The following STYK1 variants were observed in gnomAD, a reference collection of about 807,000 sequenced individuals.
The protein encoded by STYK1 is STY kinase 1.
In STYK1, 46 loss-of-function variants were observed where a neutral mutation model predicts 48.1. That is an observed-to-expected ratio of 0.96 (90% CI 0.75 to 1.22). The LOEUF (loss-of-function observed/expected upper bound fraction) is 1.22. Among genes scored for constraint, STYK1 ranks in the 50% most tolerant of loss-of-function variants. The probability of loss-of-function intolerance (pLI) is 0.00; values close to 1 mark genes in which losing one functional copy is unlikely to be tolerated. For missense variants in STYK1, 527 were observed against 521.1 expected, an observed-to-expected ratio of 1.01 and a Z score of -0.11; for synonymous variants, 188 against 189.0, an observed-to-expected ratio of 0.99 and a Z score of 0.04.
chr12:10,673,261 C>T (rs1001339854), intron 1 of STYK1, among the ~76,000 whole-genome samples: 14 of 152,016 alleles, frequency 9.2e-5, no homozygotes, highest in African/African-American at 3.1e-4. Context: ...CCTGTAATCC[C>T]AGCTACTTGG....
intron 1 of STYK1, among the ~76,000 whole-genome samples, chr12:10,669,487 T>C (rs191640365): frequency 2.0e-5 from 3 of 152,200 alleles, no homozygotes; most frequent in Admixed American, 6.5e-5. Context: ...CAACTCAAAA[T>C]GGATTAAAGA....
Position 10,672,324 on chromosome 12 carries a change from A to G in STYK1, c.-195+1642T>C, listed in dbSNP as rs183787140. 2.7e-3 allele frequency among the ~76,000 whole-genome samples: 408 copies of G among 152,056 alleles called. 7 individuals are homozygous for G. Among genetic ancestry groups the G allele is most frequent in the Admixed American group, 0.023 (354 of 15,266 alleles). On this transcript the variant is annotated intron_variant, in intron 1 of 10. Coordinates refer to ENST00000075503, the MANE Select transcript of STYK1 (RefSeq NM_018423.3). The surrounding 1 kb of genome is among the most constrained non-coding windows in gnomAD (Gnocchi z 4.0). The stretch of plus-strand genomic sequence containing the variant: ...CAAAGCTTCATCTGCATTTACAGCC[A>G]CTCCCCATCGCTGTCATTGCCTCCT...
At chr12:10,659,670 GT>G (rs925439397) in intron 1 of STYK1, among the ~76,000 whole-genome samples, 16 of 152,222 alleles carry the variant, frequency 1.1e-4, no homozygotes, top group African/African-American at 3.6e-4. Context: ...AGCTCAAGGA[GT>G]TTTTTAAAAG....
At chr12:10,649,807 G>A (rs182477892) in intron 1 of STYK1, among the ~76,000 whole-genome samples, 14 of 152,210 alleles carry the variant, frequency 9.2e-5, no homozygotes, top group African/African-American at 3.1e-4. Flanking sequence ...AAGTACAACC[G>A]TTAAATCAAG....
At chr12:10,631,453 C>G in intron 4 of STYK1, 145 bp from the exon 5 acceptor site, 2 of 1,028,520 alleles carry the variant, frequency 1.9e-6, no homozygotes, top group Non-Finnish European at 2.8e-6. Context: ...TCTCTATAAA[C>G]CAGCATCAAT....
At chr12:10,624,556 A>G (rs1002771302) in intron 8 of STYK1, 95 bp downstream of exon 8, 2 of 1,073,866 alleles carry the variant, frequency 1.9e-6, no homozygotes, top group Non-Finnish European at 2.8e-6. Flanking sequence ...TAGAGATTAT[A>G]TTCGTATACA....
chr12:10,631,829 T>C (rs1353155108), intron 4 of STYK1, among the ~76,000 whole-genome samples: 4 of 152,206 alleles, frequency 2.6e-5, no homozygotes, highest in African/African-American at 7.2e-5. Flanking sequence ...CAAAAAAGTC[T>C]TCTGGTACTC....
chr12:10,622,167 A>G (rs1248335458), intron 9 of STYK1, among the ~76,000 whole-genome samples, 195 bp from the exon 10 acceptor site: 1 of 151,916 alleles, frequency 6.6e-6, no homozygotes, highest in Non-Finnish European at 1.5e-5. Flanking sequence ...TGTTTTGGAG[A>G]AAAAAACCTG....
intron 6 of STYK1, 161 bp downstream of exon 6, chr12:10,629,332 T>C (rs867720906): frequency 2.8e-6 from 2 of 723,952 alleles, no homozygotes; most frequent in Middle Eastern, 4.0e-4. Flanking sequence ...ATAGAATATT[T>C]CTATAATTAC....
intron 1 of STYK1, among the ~76,000 whole-genome samples, chr12:10,645,039 T>G (rs1010829504): frequency 6.6e-6 from 1 of 151,496 alleles, no homozygotes; most frequent in Non-Finnish European, 1.5e-5. Context: ...GGAATTGGGG[T>G]CCAGGGGGAA....
At chr12:10,656,751 C>T (rs1947723693) in intron 1 of STYK1, among the ~76,000 whole-genome samples, 1 of 152,144 alleles carries the variant, frequency 6.6e-6, no homozygotes, top group Non-Finnish European at 1.5e-5. Context: ...CTTGAGACTC[C>T]TTGGGAAAAA....
intron 1 of STYK1, among the ~76,000 whole-genome samples, chr12:10,642,750 C>T (rs1055813155): frequency 6.6e-6 from 1 of 151,982 alleles, no homozygotes; most frequent in Non-Finnish European, 1.5e-5. Flanking sequence ...AGTACAGCTG[C>T]CAGTAGATAT....
In STYK1 at chr12:10,672,379, A is replaced by C. The variant is rs1270540935; in HGVS notation, c.-195+1587T>G. 1.3e-5 allele frequency among the ~76,000 whole-genome samples: 2 copies of C among 152,170 alleles called. No homozygotes were observed. Among genetic ancestry groups the C allele is most frequent in the Non-Finnish European group, 1.5e-5 (1 of 68,040 alleles). ...TCCTCCTCCTGTCAGATAAGCCACGACATTAGATTTTCTTTCTTTTTCTTC... is the reference window on the plus strand; with the variant it reads ...TCCTCCTCCTGTCAGATAAGCCACGCCATTAGATTTTCTTTCTTTTTCTTC... On this transcript the variant is annotated intron_variant, in intron 1 of 10. Transcript: ENST00000075503. The surrounding 1 kb of genome is among the most constrained non-coding windows in gnomAD (Gnocchi z 4.0).
At chr12:10,637,639 C>A (rs989780946) in intron 1 of STYK1, among the ~76,000 whole-genome samples, 3 of 152,140 alleles carry the variant, frequency 2.0e-5, no homozygotes, top group African/African-American at 7.2e-5. Flanking sequence ...CTGCGCCTGG[C>A]CGAGTCTAGG....
chr12:10,624,839 A>G lies in STYK1; in HGVS notation c.738T>C (p.His246=). The G allele has an allele frequency of 1.2e-6, 2 of 1,614,132 alleles. No homozygotes were observed. Among genetic ancestry groups the G allele is most frequent in the Non-Finnish European group, 1.7e-6 (2 of 1,180,000 alleles). The change falls in exon 8 of 11, where the codon CAT becomes CAC. Residue 246 remains histidine, a synonymous_variant. Coordinates refer to ENST00000075503, the MANE Select transcript of STYK1 (RefSeq NM_018423.3). ...TGGCTGCCACATCCCCATGGAACAA[A>G]TGCTTCTCCTGCAGGAATTCCTGTC... ...LLALEFLQEK[H]LFHGDVAARN... is the part of the protein sequence containing the mutation.
intron 1 of STYK1, among the ~76,000 whole-genome samples, chr12:10,638,665 C>T (rs1947511738): frequency 6.6e-6 from 1 of 152,160 alleles, no homozygotes; most frequent in Non-Finnish European, 1.5e-5. Context: ...TCAGTTAGCA[C>T]AATACAGTCT....
In STYK1 at chr12:10,630,819, A is replaced by G. The variant is rs548325219; in HGVS notation, c.451+226T>C. ...AACATTATGCTTATTTGTAGTAGTC[A>G]TTTTAGTTATTATTTGGAGATTGGG... On this transcript the variant is annotated intron_variant, in intron 5 of 10. Transcript: ENST00000075503. 2.0e-5 allele frequency among the ~76,000 whole-genome samples: 3 copies of G among 152,044 alleles called. No individual in the cohort carries two copies. In the East Asian group the frequency reaches 5.8e-4, roughly 29 times the overall value.
At chr12:10,640,746 G>T (rs2120690950) in intron 1 of STYK1, 1 of 152,272 alleles carries the variant, frequency 6.6e-6, no homozygotes, top group South Asian at 2.1e-4. Context: ...TGAAACATAT[G>T]TGATATACAG....
chr12:10,654,228 A>T (rs1947693629), intron 1 of STYK1, among the ~76,000 whole-genome samples: 1 of 152,224 alleles, frequency 6.6e-6, no homozygotes, highest in Admixed American at 6.5e-5. Context: ...CTTTCCCAGA[A>T]AACTCATGAA....
Sources: allele counts gnomAD v4.1 joint callset (sites outside exome capture counted in the v4.1 genomes callset), GRCh38; gene constraint gnomAD v4.1.1; non-coding constraint Gnocchi (gnomAD v3.1); transcripts MANE v1.5; gene names NCBI Gene and HGNC (gene_info 2026-07-23, HGNC 2026-07-21).